The following DNM3 variants were observed in gnomAD, a reference collection of about 807,000 sequenced individuals.
The protein encoded by DNM3 is dynamin 3, also known as dynamin-3.
Under a neutral mutation model 101.6 loss-of-function variants are expected in DNM3, and 47 were observed. The observed-to-expected ratio is 0.46, with a 90% confidence interval of 0.37 to 0.59. The LOEUF is 0.59. Among genes scored for constraint, DNM3 ranks in the 20% least tolerant of loss-of-function variants. DNM3 has a pLI of 0.00. For synonymous variants in DNM3, 385 were observed against 387.9 expected (o/e 0.99, Z 0.09); for missense variants, 849 against 1,085.7 (o/e 0.78, Z 3.06).
chr1:172,231,873 C>T (rs922400253), intron 14 of DNM3, among the ~76,000 whole-genome samples: 12 of 151,826 alleles, frequency 7.9e-5, no homozygotes, highest in East Asian at 3.9e-4. Context: ...TGAAATGAAG[C>T]GAGAAGAGAA....
intron 17 of DNM3, among the ~76,000 whole-genome samples, 173 bp downstream of exon 17, chr1:172,323,513 G>T (rs2065816697): frequency 6.6e-6 from 1 of 152,088 alleles, no homozygotes; most frequent in Admixed American, 6.6e-5. Flanking sequence ...CTACCATAAT[G>T]GCTGTTCCGT....
rs1346994322 is a variant in DNM3, at chr1:172,017,491, T to C, written c.590-14911T>C. On this transcript the variant is annotated intron_variant, in intron 4 of 20. Transcript: ENST00000627582. ...GTGTATAGGTTAATCTCCAAACATT[T>C]TGAGGTTTTCCAGCTATCTTTCTGT... Among the ~76,000 whole-genome samples, 4 of 152,162 alleles carry C rather than the reference T, an allele frequency of 2.6e-5. No homozygotes were observed. In the East Asian group the frequency reaches 7.7e-4, roughly 29 times the overall value.
Position 172,387,377 on chromosome 1 carries a change from G to A in DNM3, c.2285+18G>A. On this transcript the variant is annotated intron_variant, in intron 19 of 20. Coordinates refer to ENST00000627582, the MANE Select transcript of DNM3 (RefSeq NM_015569.5). ...TCTCGCAGGTAAGAAGATGGCCCCG[G>A]CCGGGTGCGGTGGCTCGCTCCTGTA... 1.3e-6 allele frequency: 2 copies of A among 1,599,990 alleles called. No homozygotes were observed. The highest frequency in any genetic ancestry group is 8.5e-7 in the Non-Finnish European group (1 of 1,172,050).
At chr1:172,361,489 C>T (rs1003516223) in intron 17 of DNM3, among the ~76,000 whole-genome samples, 2 of 151,978 alleles carry the variant, frequency 1.3e-5, no homozygotes, top group Non-Finnish European at 2.9e-5. Context: ...ACTTAACTCC[C>T]CTGCTTTTCC....
intron 14 of DNM3, among the ~76,000 whole-genome samples, chr1:172,178,198 C>A (rs2059220957): frequency 6.6e-6 from 1 of 151,816 alleles, no homozygotes; most frequent in South Asian, 2.1e-4. Flanking sequence ...TCTTATGAGA[C>A]CACTGTCATT....
intron 14 of DNM3, among the ~76,000 whole-genome samples, chr1:172,153,309 C>G (rs907396948): frequency 7.9e-5 from 12 of 152,082 alleles, no homozygotes; most frequent in African/African-American, 2.9e-4. Context: ...CATGGCAATG[C>G]CTTAGGGAAA....
intron 10 of DNM3, among the ~76,000 whole-genome samples, chr1:172,059,912 G>A (rs1254627642): frequency 1.6e-4 from 19 of 122,174 alleles, no homozygotes; most frequent in Non-Finnish European, 2.7e-4. Context: ...AATTGTCCCT[G>A]TTTGCAGACG....
chr1:172,312,310 G>A (rs1218225907), intron 16 of DNM3, among the ~76,000 whole-genome samples: 1 of 152,126 alleles, frequency 6.6e-6, no homozygotes, highest in Non-Finnish European at 1.5e-5. Flanking sequence ...ATGGACATGA[G>A]TCTAAACTTA....
At chr1:171,955,375 AT>A (rs1051187318) in intron 2 of DNM3, among the ~76,000 whole-genome samples, 1 of 152,234 alleles carries the variant, frequency 6.6e-6, no homozygotes, top group African/African-American at 2.4e-5. Flanking sequence ...ACACAAAACA[AT>A]GATAAATCAA....
chr1:171,957,834 C>G (rs1176304682), intron 2 of DNM3, among the ~76,000 whole-genome samples: 1 of 152,180 alleles, frequency 6.6e-6, no homozygotes, highest in Non-Finnish European at 1.5e-5. Context: ...CAACAAGTCG[C>G]TAGGAAGTTC....
chr1:172,115,716 A>G (rs1219072578), intron 13 of DNM3, among the ~76,000 whole-genome samples: 1 of 152,158 alleles, frequency 6.6e-6, no homozygotes, highest in Non-Finnish European at 1.5e-5. Context: ...CACAATCCAC[A>G]TGCTCTTTAA....
intron 14 of DNM3, among the ~76,000 whole-genome samples, chr1:172,162,920 A>G (rs2058596232): frequency 6.6e-6 from 1 of 152,132 alleles, no homozygotes; most frequent in Admixed American, 6.5e-5. Context: ...TTCCTTTAAT[A>G]CAGAAGCATA....
chr1:172,362,497 G>A (rs1158248090), intron 17 of DNM3, among the ~76,000 whole-genome samples: 3 of 151,732 alleles, frequency 2.0e-5, no homozygotes, highest in African/African-American at 4.8e-5. Flanking sequence ...TGAATTTTTC[G>A]AGTATTTCTC....
At chr1:172,407,738 T>G in intron 20 of DNM3, 34 bp from the exon 21 acceptor site, 1 of 1,601,908 alleles carries the variant, frequency 6.2e-7, no homozygotes, top group East Asian at 2.2e-5. Flanking sequence ...GATATTCTAC[T>G]TGTTTCTTTA....
chr1:171,941,568 G>C (rs1398034495), intron 2 of DNM3, among the ~76,000 whole-genome samples: 3 of 152,138 alleles, frequency 2.0e-5, no homozygotes, highest in African/African-American at 7.2e-5. Context: ...CCCCACTTCT[G>C]GACTGAGATG....
At chr1:171,964,253 A>G (rs2043415713) in intron 2 of DNM3, among the ~76,000 whole-genome samples, 1 of 152,062 alleles carries the variant, frequency 6.6e-6, no homozygotes, top group East Asian at 1.9e-4. Flanking sequence ...GCACCTTTTT[A>G]AGTCTGATAA....
intron 1 of DNM3, among the ~76,000 whole-genome samples, chr1:171,878,917 T>C (rs534555731): frequency 6.6e-6 from 1 of 152,260 alleles, no homozygotes; most frequent in Admixed American, 6.5e-5. Context: ...TCTGATTAGA[T>C]CCTTTGTCAT....
chr1:171,855,709 C>T (rs1042323676), intron 1 of DNM3, among the ~76,000 whole-genome samples: 24 of 152,184 alleles, frequency 1.6e-4, no homozygotes, highest in African/African-American at 5.1e-4. Flanking sequence ...AATGTCTGTT[C>T]ATGTCCTTTG....
At chr1:172,378,972 C>T (rs2068751784) in intron 17 of DNM3, 46 bp from the exon 18 acceptor site, 1 of 1,571,684 alleles carries the variant, frequency 6.4e-7, no homozygotes, top group Non-Finnish European at 8.6e-7. Flanking sequence ...TTATTTTCTT[C>T]TGAGTGAATA....
Sources: allele counts gnomAD v4.1 joint callset (sites outside exome capture counted in the v4.1 genomes callset), GRCh38; gene constraint gnomAD v4.1.1; transcripts MANE v1.5; gene names NCBI Gene and HGNC (gene_info 2026-07-23, HGNC 2026-07-21).